MCTP2: variants seen among roughly 807,000 people sequenced by gnomAD.
The protein encoded by MCTP2 is multiple C2 and transmembrane domain containing 2, also known as multiple C2 and transmembrane domain-containing protein 2.
A neutral mutation model predicts 111.6 loss-of-function variants in MCTP2; 132 were observed. That is an observed-to-expected ratio of 1.18 (90% CI 1.03 to 1.37). MCTP2 has a LOEUF of 1.37. Among genes scored for constraint, MCTP2 ranks in the 40% most tolerant of loss-of-function variants. The probability of loss-of-function intolerance (pLI) is 0.00; values close to 1 mark genes in which losing one functional copy is unlikely to be tolerated. For missense variants in MCTP2, 1,183 were observed against 1,067.9 expected (o/e 1.11, Z -1.50); for synonymous variants, 395 against 387.7 (o/e 1.02, Z -0.22).
At chr15:94,403,523 T>C (rs894061521) in intron 17 of MCTP2, among the ~76,000 whole-genome samples, 1 of 152,256 alleles carries the variant, frequency 6.6e-6, no homozygotes, top group African/African-American at 2.4e-5. Flanking sequence ...GTTTAGTTTC[T>C]GGCACTGTGA....
At chr15:94,346,129 A>T (rs2077968055) in intron 8 of MCTP2, among the ~76,000 whole-genome samples, 1 of 152,132 alleles carries the variant, frequency 6.6e-6, no homozygotes, top group African/African-American at 2.4e-5. Flanking sequence ...CGGATGAGAG[A>T]CCGAGAGAGC....
At chr15:94,389,625 C>T (rs1400267550) in intron 14 of MCTP2, among the ~76,000 whole-genome samples, 1 of 151,918 alleles carries the variant, frequency 6.6e-6, no homozygotes, top group Non-Finnish European at 1.5e-5. Flanking sequence ...TGTTTTTTAA[C>T]GTGAGCAAGA....
rs1330364212 is a variant in MCTP2 at position 94,480,273 on chromosome 15, AT to A, written c.*1240del. The A allele has an allele frequency of 6.6e-6, 1 of 152,182 alleles. No individual in the cohort carries two copies. Among genetic ancestry groups the A allele is most frequent in the Non-Finnish European group, 1.5e-5 (1 of 68,034 alleles). The allele number at this position is 152,182 out of a possible 1,614,324, so 9.4% of individuals were successfully genotyped here. A position where few individuals can be genotyped will look rare whatever the true frequency, so the allele number is the denominator to read the frequency against. ...TGCAGTTTTTATGTATGTATGTATT[AT>A]AAAAAAAGTTAAGGTTAAAAAGATC... On this transcript the variant is annotated 3_prime_UTR_variant, in exon 23 of 23. Coordinates refer to ENST00000357742, the MANE Select transcript of MCTP2 (RefSeq NM_001385001.1).
intron 1 of MCTP2, among the ~76,000 whole-genome samples, chr15:94,291,661 G>C (rs568287691): frequency 7.3e-5 from 11 of 151,436 alleles, no homozygotes; most frequent in Non-Finnish European, 1.0e-4. Flanking sequence ...ATGACCCAAA[G>C]AGGAAGTTTC....
intron 17 of MCTP2, among the ~76,000 whole-genome samples, chr15:94,413,999 T>C (rs764253180): frequency 2.0e-5 from 3 of 152,200 alleles, no homozygotes; most frequent in Admixed American, 1.3e-4. Flanking sequence ...TTTTCAACTT[T>C]CCTATTTTCT....
chr15:94,439,069 C>A lies in MCTP2; in HGVS notation c.2086-1107C>A, dbSNP rs2083633894. Among the ~76,000 whole-genome samples the A allele has an allele frequency of 2.6e-5, 4 of 151,928 alleles. No homozygotes were observed. The South Asian group carries it at 8.3e-4, about 32-fold the overall frequency. On this transcript the variant is annotated intron_variant, in intron 17 of 22. Coordinates refer to ENST00000357742, the MANE Select transcript of MCTP2 (RefSeq NM_001385001.1). ...CAATAAAGAATATTCAGTAAGGCTG[C>A]TAATGTTAAAAATATATATGTAAAT...
At chr15:94,451,332 C>G (rs1370358794) in intron 19 of MCTP2, among the ~76,000 whole-genome samples, 2 of 152,092 alleles carry the variant, frequency 1.3e-5, no homozygotes, top group African/African-American at 4.8e-5. Flanking sequence ...AAATTCCATG[C>G]TTTCATCTCT....
intron 17 of MCTP2, among the ~76,000 whole-genome samples, chr15:94,416,082 C>T (rs904120930): frequency 6.6e-6 from 1 of 152,072 alleles, no homozygotes; most frequent in African/African-American, 2.4e-5. Context: ...GCATTTTCTA[C>T]CCACTATGCA....
intron 8 of MCTP2, among the ~76,000 whole-genome samples, chr15:94,353,481 C>G (rs955318331): frequency 6.6e-6 from 1 of 152,136 alleles, no homozygotes; most frequent in Non-Finnish European, 1.5e-5. Context: ...AGATAAACAT[C>G]CAATTTGAAA....
intron 14 of MCTP2, among the ~76,000 whole-genome samples, chr15:94,394,379 G>A (rs1366932307): frequency 6.6e-6 from 1 of 152,048 alleles, no homozygotes; most frequent in Non-Finnish European, 1.5e-5. Flanking sequence ...GTGTAAGCTG[G>A]CATTATTTTC....
At chr15:94,263,878 T>TG (rs1376621522) in intron 1 of MCTP2, among the ~76,000 whole-genome samples, 1 of 152,256 alleles carries the variant, frequency 6.6e-6, no homozygotes, top group African/African-American at 2.4e-5. Flanking sequence ...GAATCATCTG[T>TG]AGTCAGACTA....
intron 8 of MCTP2, among the ~76,000 whole-genome samples, chr15:94,352,539 A>ATG (rs1416211555): frequency 5.9e-5 from 9 of 152,176 alleles, no homozygotes; most frequent in Admixed American, 4.6e-4. Flanking sequence ...TGTATCCATT[A>ATG]TGTCTGCTGA....
chr15:94,326,395 G>T (rs972857442), intron 4 of MCTP2, among the ~76,000 whole-genome samples: 3 of 152,126 alleles, frequency 2.0e-5, no homozygotes, highest in Non-Finnish European at 2.9e-5. Flanking sequence ...ATTTGCAAGT[G>T]AGTTATTTAT....
intron 17 of MCTP2, among the ~76,000 whole-genome samples, chr15:94,438,527 G>A (rs747290344): frequency 6.6e-6 from 1 of 152,050 alleles, no homozygotes; most frequent in Non-Finnish European, 1.5e-5. Context: ...ATACAAGATT[G>A]CTTCAAATTA....
At chr15:94,304,810 T>C (rs971730929) in intron 2 of MCTP2, among the ~76,000 whole-genome samples, 9 of 152,208 alleles carry the variant, frequency 5.9e-5, no homozygotes, top group African/African-American at 2.2e-4. Flanking sequence ...TCCATCTCTG[T>C]GAGCCCACTT....
intron 17 of MCTP2, among the ~76,000 whole-genome samples, chr15:94,421,234 G>A (rs958848559): frequency 6.6e-6 from 1 of 151,992 alleles, no homozygotes; most frequent in Non-Finnish European, 1.5e-5. Context: ...CTGTAGCACA[G>A]TGTAAACATA....
intron 17 of MCTP2, chr15:94,402,378 T>G (rs1040122048): frequency 3.3e-6 from 5 of 1,497,628 alleles, no homozygotes; most frequent in Non-Finnish European, 4.5e-6. Flanking sequence ...ACTGAATTGT[T>G]CAATTTACAT....
intron 1 of MCTP2, among the ~76,000 whole-genome samples, chr15:94,245,194 G>A (rs111208063): frequency 0.019 from 2,699 of 139,746 alleles, 75 homozygotes; most frequent in African/African-American, 0.067. Context: ...ACACACATAT[G>A]TATGTATATA....
intron 2 of MCTP2, among the ~76,000 whole-genome samples, chr15:94,299,596 G>C (rs536727649): frequency 6.6e-6 from 1 of 152,218 alleles, no homozygotes; most frequent in African/African-American, 2.4e-5. Flanking sequence ...TTTAAATTCA[G>C]TCCCCAGGTT....
Sources: gnomAD v4.1 joint callset for allele counts (sites outside exome capture counted in the v4.1 genomes callset) on GRCh38, gnomAD v4.1.1 for gene constraint, MANE v1.5 for transcripts, NCBI Gene and HGNC (gene_info 2026-07-23, HGNC 2026-07-21) for gene names.